The following GPD2 variants were observed in gnomAD, a reference collection of about 807,000 sequenced individuals.
The protein encoded by GPD2 is glycerol-3-phosphate dehydrogenase, mitochondrial.
GPD2 carries 54 observed loss-of-function variants against 82.4 expected under a neutral mutation model. That is an observed-to-expected ratio of 0.66 (90% CI 0.53 to 0.82). GPD2 has a LOEUF of 0.82. GPD2 is among the 40% of genes least tolerant of loss of function. GPD2 has a pLI of 0.00. For synonymous variants in GPD2, 288 were observed against 306.1 expected, an observed-to-expected ratio of 0.94 and a Z score of 0.62; for missense variants, 748 against 896.2, an observed-to-expected ratio of 0.83 and a Z score of 2.11.
intron 1 of GPD2, among the ~76,000 whole-genome samples, chr2:156,462,519 C>T (rs953309531): frequency 7.1e-6 from 1 of 140,964 alleles, no homozygotes; most frequent in Non-Finnish European, 1.5e-5. Flanking sequence ...TCGGGCTGGT[C>T]TCAAACTTCC....
intron 1 of GPD2, among the ~76,000 whole-genome samples, chr2:156,447,780 A>G (rs1573876038): frequency 6.6e-6 from 1 of 152,118 alleles, no homozygotes. Context: ...ATTACTCCTT[A>G]TGGATCTCTC....
At chr2:156,406,044 C>CT in the GPD2 span, among the ~76,000 whole-genome samples, 390 of 140,676 alleles carry the variant, frequency 2.8e-3, no homozygotes, top group East Asian at 7.1e-3. Flanking sequence ...AAAGCAATGC[C>CT]TTTTTTTTTT....
intron 3 of GPD2, among the ~76,000 whole-genome samples, chr2:156,501,291 T>C (rs146806181): frequency 1.5e-3 from 223 of 152,342 alleles, no homozygotes; most frequent in Non-Finnish European, 2.1e-3. Context: ...ATGGAGACTT[T>C]TATAAATGGT....
intron 1 of GPD2, among the ~76,000 whole-genome samples, chr2:156,464,475 A>C (rs1218961003): frequency 6.6e-6 from 1 of 152,162 alleles, no homozygotes; most frequent in Non-Finnish European, 1.5e-5. Context: ...CAGGAGAAAA[A>C]AGACTGCAGG....
chr2:156,474,797 C>T (rs1263273244), intron 1 of GPD2, among the ~76,000 whole-genome samples: 2 of 152,040 alleles, frequency 1.3e-5, no homozygotes, highest in Non-Finnish European at 2.9e-5. Context: ...AAGTTAAGAG[C>T]TAAGACAATG....
intron 3 of GPD2, among the ~76,000 whole-genome samples, chr2:156,502,386 GCAAA>G (rs1350842469): frequency 1.3e-5 from 2 of 152,036 alleles, no homozygotes; most frequent in African/African-American, 4.8e-5. Flanking sequence ...TTACAAAATA[GCAAA>G]CAGACAGGGT....
chr2:156,562,604 A>G (rs1687216177), intron 9 of GPD2, among the ~76,000 whole-genome samples: 1 of 152,162 alleles, frequency 6.6e-6, no homozygotes, highest in African/African-American at 2.4e-5. Flanking sequence ...CATATGCCTA[A>G]ATAACTAATG....
At chr2:156,474,005 G>A (rs1683421097) in intron 1 of GPD2, among the ~76,000 whole-genome samples, 1 of 152,134 alleles carries the variant, frequency 6.6e-6, no homozygotes, top group African/African-American at 2.4e-5. Context: ...GAGTACATAT[G>A]CTTGTGAAAT....
At chr2:156,495,081 A>C (rs966163883) in intron 2 of GPD2, among the ~76,000 whole-genome samples, 1 of 152,200 alleles carries the variant, frequency 6.6e-6, no homozygotes, top group Non-Finnish European at 1.5e-5. Context: ...GCAGTGGCTC[A>C]TGCCTGTAAT....
chr2:156,490,465 T>C (rs1349018718), intron 2 of GPD2, among the ~76,000 whole-genome samples: 1 of 152,144 alleles, frequency 6.6e-6, no homozygotes, highest in Non-Finnish European at 1.5e-5. Context: ...TTAATAGTGC[T>C]GTATGTTTTA....
chr2:156,524,060 C>T (rs567969239), intron 6 of GPD2, among the ~76,000 whole-genome samples: 30 of 152,190 alleles, frequency 2.0e-4, no homozygotes, highest in East Asian at 3.9e-4. Flanking sequence ...TTAATGGTGA[C>T]GTTGGGGCTT....
At chr2:156,555,172 A>G (rs1038778563) in intron 8 of GPD2, among the ~76,000 whole-genome samples, 10 of 152,208 alleles carry the variant, frequency 6.6e-5, no homozygotes, top group Non-Finnish European at 1.2e-4. Flanking sequence ...GGATTCTTAA[A>G]TTTTTATACC....
In GPD2 at chr2:156,584,998, T is replaced by C. The variant is rs575405223; in HGVS notation, c.*2080T>C. On this transcript the variant is annotated 3_prime_UTR_variant, in exon 17 of 17. Transcript: ENST00000438166. ...GGCCTTGTTTGTGCATGCTTTGCTA[T>C]GAATGAAGTTCCTTTAAGGACAAAG... The C allele has an allele frequency of 6.6e-6, 1 of 152,110 alleles. No homozygotes were observed. The highest frequency in any genetic ancestry group is 1.9e-4 in the East Asian group (1 of 5,156). 9.4% of individuals were successfully genotyped at this position (152,110 alleles called of 1,614,324 possible).
the GPD2 span, among the ~76,000 whole-genome samples, chr2:156,416,278 G>C: frequency 2.0e-5 from 3 of 151,682 alleles, no homozygotes; most frequent in Admixed American, 6.6e-5. Flanking sequence ...TTAAACTGTG[G>C]AAGAGTAGAA....
chr2:156,405,215 T>C, the GPD2 span, among the ~76,000 whole-genome samples: 1 of 152,164 alleles, frequency 6.6e-6, no homozygotes, highest in African/African-American at 2.4e-5. Context: ...TTGATAGACT[T>C]GGGGTGTAGT....
chr2:156,538,386 G>A (rs1686160717), intron 6 of GPD2, among the ~76,000 whole-genome samples: 1 of 151,956 alleles, frequency 6.6e-6, no homozygotes, highest in African/African-American at 2.4e-5. Flanking sequence ...TGGAGAAGAT[G>A]GTGGGGGATA....
chr2:156,507,353 A>G (rs1391640722), intron 3 of GPD2, among the ~76,000 whole-genome samples: 1 of 146,062 alleles, frequency 6.8e-6, no homozygotes, highest in Non-Finnish European at 1.5e-5. Context: ...ATAGGGTCTC[A>G]TTCTGTCATT....
the GPD2 span, among the ~76,000 whole-genome samples, chr2:156,402,951 G>A: frequency 6.0e-3 from 915 of 151,858 alleles, 10 homozygotes; most frequent in Non-Finnish European, 8.5e-3. Flanking sequence ...CAAATAAATA[G>A]GGAGTTTAAA....
chr2:156,549,470 C>G, intron 6 of GPD2, 138 bp from the exon 7 acceptor site: 1 of 795,804 alleles, frequency 1.3e-6, no homozygotes, highest in South Asian at 1.4e-5. Flanking sequence ...AAATTGTGCC[C>G]TGTCAAGCTG....
Sources: allele counts gnomAD v4.1 joint callset (sites outside exome capture counted in the v4.1 genomes callset), GRCh38; gene constraint gnomAD v4.1.1; transcripts MANE v1.5; gene names NCBI Gene and HGNC (gene_info 2026-07-23, HGNC 2026-07-21).